Variants in ZNF710 observed in about 807,000 individuals in gnomAD.
The protein encoded by ZNF710 is zinc finger protein 710.
A neutral mutation model predicts 50.6 loss-of-function variants in ZNF710; 13 were observed. The observed-to-expected ratio is 0.26, with a 90% CI of 0.17 to 0.41. The LOEUF (loss-of-function observed/expected upper bound fraction) is 0.41, where lower values mean the gene tolerates loss of function less well. Ranked by LOEUF, ZNF710 falls within the 10% of genes least tolerant of loss-of-function variation. The pLI is 1.00. For missense variants in ZNF710, 721 were observed against 936.6 expected (o/e 0.77, Z 3.01); for synonymous variants, 383 against 397.0 (o/e 0.96, Z 0.42).
intron 4 of ZNF710, chr15:90,074,609 C>T (rs1900529749): frequency 4.1e-6 from 4 of 967,022 alleles, no homozygotes; most frequent in South Asian, 1.6e-5. Flanking sequence ...CTGTCATTGT[C>T]ATCGTTTTAC....
rs140906492 is a variant in ZNF710 at position 90,064,094 on chromosome 15, C to G, written c.-28-3016C>G. Reference sequence around the variant, plus strand: ...CTGCCTTTGGGGAAGTTTACAAAAACTGCTGAACACATCATTTGCCCAAAC... The same window carrying G: ...CTGCCTTTGGGGAAGTTTACAAAAAGTGCTGAACACATCATTTGCCCAAAC... On this transcript the variant is annotated intron_variant, in intron 1 of 4. Coordinates refer to ENST00000268154, the MANE Select transcript of ZNF710 (RefSeq NM_198526.4). 2.0e-3 allele frequency among the ~76,000 whole-genome samples: 302 copies of G among 152,376 alleles called. 1 individual carries two copies. Among genetic ancestry groups the G allele is most frequent in the African/African-American group, 7.0e-3 (290 of 41,582 alleles).
intron 1 of ZNF710, among the ~76,000 whole-genome samples, chr15:90,063,050 C>A (rs1596051634): frequency 6.6e-6 from 1 of 152,058 alleles, no homozygotes; most frequent in African/African-American, 2.4e-5. Context: ...AAGGAGAGAC[C>A]CCAGTTCCCC....
At chr15:90,015,395 TATTAAA>T (rs888480620) in intron 1 of ZNF710, among the ~76,000 whole-genome samples, 28 of 152,208 alleles carry the variant, frequency 1.8e-4, no homozygotes, top group Admixed American at 5.9e-4. Context: ...TGGCAATAGT[TATTAAA>T]ATTAAAAGTG....
chr15:90,014,279 A>G (rs1898391374), intron 1 of ZNF710, among the ~76,000 whole-genome samples: 1 of 152,070 alleles, frequency 6.6e-6, no homozygotes, highest in South Asian at 2.1e-4. Flanking sequence ...AAATTGAATG[A>G]AGGGATGGGA....
intron 1 of ZNF710, among the ~76,000 whole-genome samples, chr15:90,021,554 ACTTC>A (rs1429810472): frequency 6.6e-6 from 1 of 152,084 alleles, no homozygotes; most frequent in Non-Finnish European, 1.5e-5. Flanking sequence ...GTTCTCTCTT[ACTTC>A]CTTCATTCAA....
intron 1 of ZNF710, among the ~76,000 whole-genome samples, chr15:90,005,473 G>A (rs753644583): frequency 6.6e-6 from 1 of 151,950 alleles, no homozygotes; most frequent in Non-Finnish European, 1.5e-5. Flanking sequence ...TTTTTGAGAC[G>A]GAGTCTCACT....
intron 1 of ZNF710, among the ~76,000 whole-genome samples, chr15:90,031,478 T>C (rs1361407189): frequency 2.0e-5 from 3 of 152,208 alleles, no homozygotes; most frequent in African/African-American, 7.2e-5. Flanking sequence ...CTGTCTCCTT[T>C]GAGGAAATCG....
chr15:90,026,266 C>CAA (rs373675360), intron 1 of ZNF710, among the ~76,000 whole-genome samples: 50 of 114,616 alleles, frequency 4.4e-4, no homozygotes, highest in African/African-American at 1.1e-3. Context: ...ACAACAACAA[C>CAA]AACAAAAAAA....
chr15:90,014,969 C>T (rs555428571), intron 1 of ZNF710, among the ~76,000 whole-genome samples: 8 of 151,578 alleles, frequency 5.3e-5, no homozygotes, highest in South Asian at 2.1e-4. Context: ...CTTGCCTCAC[C>T]GCAGCCTCTG....
chr15:90,000,811 A>T (rs7162815), upstream of ZNF710, among the ~76,000 whole-genome samples: 1 of 151,968 alleles, frequency 6.6e-6, no homozygotes, highest in African/African-American at 2.4e-5. Flanking sequence ...CCCGTGCCCC[A>T]ACACCCGCAC....
At chr15:90,000,488 C>T (rs887136387), upstream of ZNF710, among the ~76,000 whole-genome samples, 172 of 152,146 alleles carry the variant, frequency 1.1e-3, no homozygotes, top group African/African-American at 3.9e-3. Flanking sequence ...GGGGCCGAGG[C>T]CCAGGCCCTG....
Position 90,068,405 on chromosome 15 carries a change from A to G in ZNF710, c.1268A>G (p.Lys423Arg), listed in dbSNP as rs1900264532. 2.5e-6 allele frequency: 4 copies of G among 1,613,500 alleles called. No homozygotes were observed. In the South Asian group the frequency reaches 3.3e-5, roughly 13 times the overall value. The change falls in exon 2 of 5, where the codon AAG becomes AGG. Residue 423 changes from lysine (K) to arginine (R), a missense_variant. By Grantham distance (26) the Lys-to-Arg change is conservative (BLOSUM62 2). Around this residue, in one of 3 missense-constraint regions of ZNF710, gnomAD observed 326 missense variants for 522.0 expected, o/e 0.62. Coordinates refer to ENST00000268154, the MANE Select transcript of ZNF710 (RefSeq NM_198526.4). The surrounding 1 kb of genome is among the most constrained non-coding windows in gnomAD (Gnocchi z 5.0). ...GACTTCTCCACCCTGACCCAGCTCA[A>G]GCGCCACCTGGCCTCCCACCAGGGC... ...GLDFSTLTQL[K>R]RHLASHQGPT...
In ZNF710 at chr15:90,034,722, C is replaced by A. The variant is rs1160444648; in HGVS notation, c.-28-32388C>A. On this transcript the variant is annotated intron_variant, in intron 1 of 4. Coordinates refer to ENST00000268154, the MANE Select transcript of ZNF710 (RefSeq NM_198526.4). The surrounding 1 kb of genome is among the most constrained non-coding windows in gnomAD (Gnocchi z 4.0). Reference sequence around the variant, plus strand: ...AGGACACCCTTGCAGGCCTTCTGAGCCTTCTTTGTTCTGGCCGTGGGTGGG... The same window carrying A: ...AGGACACCCTTGCAGGCCTTCTGAGACTTCTTTGTTCTGGCCGTGGGTGGG... 6.6e-6 allele frequency among the ~76,000 whole-genome samples: 1 copy of A among 152,166 alleles called. No individual in the cohort carries two copies. Among genetic ancestry groups the A allele is most frequent in the Non-Finnish European group, 1.5e-5 (1 of 68,028 alleles).
chr15:90,044,745 G>A (rs1899408389), intron 1 of ZNF710, among the ~76,000 whole-genome samples: 1 of 152,180 alleles, frequency 6.6e-6, no homozygotes, highest in South Asian at 2.1e-4. Context: ...AATCAGGCAT[G>A]TGCGTGTGCC....
chr15:90,024,090 G>A (rs907043823), intron 1 of ZNF710, among the ~76,000 whole-genome samples: 1 of 152,032 alleles, frequency 6.6e-6, no homozygotes, highest in East Asian at 1.9e-4. Flanking sequence ...AAGGATGTCT[G>A]TGGCTCTTTT....
chr15:90,028,381 G>C (rs748065315), intron 1 of ZNF710, among the ~76,000 whole-genome samples: 1 of 152,132 alleles, frequency 6.6e-6, no homozygotes, highest in Non-Finnish European at 1.5e-5. Flanking sequence ...GTGCTCCAAG[G>C]GTGTCTCTGC....
At chr15:90,035,547 C>T (rs867962159) in intron 1 of ZNF710, among the ~76,000 whole-genome samples, 11 of 152,218 alleles carry the variant, frequency 7.2e-5, no homozygotes, top group Admixed American at 1.3e-4. Flanking sequence ...GCCTAACATC[C>T]GGCAGACCCT....
chr15:90,042,133 G>A (rs2151496659), intron 1 of ZNF710, among the ~76,000 whole-genome samples: 1 of 152,100 alleles, frequency 6.6e-6, no homozygotes, highest in South Asian at 2.1e-4. Flanking sequence ...CTGACCTCAG[G>A]TGATCCACCC....
intron 1 of ZNF710, among the ~76,000 whole-genome samples, chr15:90,011,087 T>C (rs1429154444): frequency 6.6e-6 from 1 of 152,036 alleles, no homozygotes; most frequent in African/African-American, 2.4e-5. Flanking sequence ...TGTGCCACCA[T>C]GCCTGGCTAA....
Sources: gnomAD v4.1 joint callset for allele counts (sites outside exome capture counted in the v4.1 genomes callset) on GRCh38, gnomAD v4.1.1 for gene constraint, gnomAD v4.1.1 regional missense constraint, Gnocchi (gnomAD v3.1) non-coding constraint, MANE v1.5 for transcripts, NCBI Gene and HGNC (gene_info 2026-07-23, HGNC 2026-07-21) for gene names.